PTK7: variants seen among roughly 807,000 people sequenced by gnomAD.
The protein encoded by PTK7 is protein tyrosine kinase 7 (inactive), also known as inactive tyrosine-protein kinase 7.
Under a neutral mutation model 116.6 loss-of-function variants are expected in PTK7, and 39 were observed. That is an observed-to-expected ratio of 0.33 (90% CI 0.26 to 0.44). PTK7 has a LOEUF of 0.44. Ranked by LOEUF, PTK7 falls within the 20% of genes least tolerant of loss-of-function variation. The probability of loss-of-function intolerance (pLI) is 1.00; values close to 1 mark genes in which losing one functional copy is unlikely to be tolerated. For synonymous variants in PTK7, 546 were observed against 563.6 expected (o/e 0.97, Z 0.44); for missense variants, 1,169 against 1,425.6 (o/e 0.82, Z 2.90).
chr6:43,077,703 T>A (rs1010971206), intron 1 of PTK7, among the ~76,000 whole-genome samples: 3 of 152,216 alleles, frequency 2.0e-5, no homozygotes, highest in Non-Finnish European at 4.4e-5. Flanking sequence ...TCCTAGGTGA[T>A]CACCTTCCAT....
chr6:43,118,057 C>T (rs1415225143), intron 1 of PTK7, among the ~76,000 whole-genome samples: 2 of 149,330 alleles, frequency 1.3e-5, no homozygotes, highest in South Asian at 2.1e-4. Context: ...AAGAAGTGGG[C>T]AGTCAGAGGA....
At chr6:43,154,961 A>G (rs1009951419) in intron 17 of PTK7, among the ~76,000 whole-genome samples, 2 of 152,232 alleles carry the variant, frequency 1.3e-5, no homozygotes, top group African/African-American at 4.8e-5. Context: ...AATGAAGCCA[A>G]GGCTGGGCCC....
At chr6:43,094,467 A>T (rs1393396794) in intron 1 of PTK7, among the ~76,000 whole-genome samples, 4 of 140,952 alleles carry the variant, frequency 2.8e-5, no homozygotes, top group African/African-American at 5.2e-5. Flanking sequence ...TCAAAAGCAA[A>T]TTTTTTTTTT....
At chr6:43,159,041 G>A in intron 18 of PTK7, 73 bp downstream of exon 18, 10 of 1,571,090 alleles carry the variant, frequency 6.4e-6, no homozygotes, top group Non-Finnish European at 8.7e-6. Flanking sequence ...CAGATAGTTT[G>A]GGGGGTGTGG....
chr6:43,079,581 C>A (rs1291801797), intron 1 of PTK7, among the ~76,000 whole-genome samples: 2 of 151,976 alleles, frequency 1.3e-5, no homozygotes, highest in Non-Finnish European at 1.5e-5. Context: ...CACACAACTT[C>A]CCTGTATACT....
rs778463968 is a variant in PTK7, at chr6:43,132,025, C to T, written c.822C>T (p.His274=). 3.1e-6 allele frequency: 5 copies of T among 1,614,070 alleles called. No individual in the cohort carries two copies. Among genetic ancestry groups the T allele is most frequent in the Non-Finnish European group, 4.2e-6 (5 of 1,180,018 alleles). ...TPITNRSRPP[H]LRRATVFANG... is the part of the protein sequence containing the mutation. Reference sequence around the variant, plus strand: ...ACTCTCCCCTCTGCAGCCCCCCACACCTCCGCAGAGCCACAGTGTTTGCCA... The same window carrying T: ...ACTCTCCCCTCTGCAGCCCCCCACATCTCCGCAGAGCCACAGTGTTTGCCA... Residue 274 remains histidine (H), a synonymous_variant, in exon 6 of 20, where the codon CAC becomes CAT. Transcript: ENST00000230419.
chr6:43,158,788 TG>T, intron 17 of PTK7, 28 bp from the exon 18 acceptor site: 1 of 1,608,654 alleles, frequency 6.2e-7, no homozygotes. Context: ...ATTCCTGGGC[TG>T]CTCTAACAGG....
At chr6:43,146,355 G>T (rs1770725304) in intron 16 of PTK7, among the ~76,000 whole-genome samples, 1 of 152,116 alleles carries the variant, frequency 6.6e-6, no homozygotes, top group Non-Finnish European at 1.5e-5. Context: ...GGGCTCTGTT[G>T]CCCCACCTGT....
In PTK7 at chr6:43,143,715, G is replaced by T. The variant is rs533025087; in HGVS notation, c.2251+95G>T. On this transcript the variant is annotated intron_variant, in intron 14 of 19. Transcript: ENST00000230419. This position sits in a 1 kb window ranked among gnomAD's most constrained non-coding sequence, Gnocchi z 4.2. ...GGAGAGCGCCAGCACTCTGGAAACC[G>T]AGCGGCTGTTGCTGGGTCCTGGAGC... The T allele has an allele frequency of 2.3e-4, 307 of 1,347,698 alleles. 4 individuals carry two copies. The South Asian group carries it at 4.0e-3, about 18-fold the overall frequency. The allele number at this position is 1,347,698 out of a possible 1,614,324, so 83.5% of individuals were successfully genotyped here.
At chr6:43,159,644 C>T (rs754519180) in intron 18 of PTK7, 144 bp from the exon 19 acceptor site, 7 of 777,286 alleles carry the variant, frequency 9.0e-6, no homozygotes, top group Non-Finnish European at 1.5e-5. Flanking sequence ...CCATGCTCAG[C>T]ACGCATGTGA....
At chr6:43,110,019 CAG>C (rs915665510) in intron 1 of PTK7, among the ~76,000 whole-genome samples, 7 of 108,728 alleles carry the variant, frequency 6.4e-5, no homozygotes, top group Non-Finnish European at 1.2e-4. Flanking sequence ...TTTTTTGAGA[CAG>C]AGTCTCGCTG....
chr6:43,145,299 A>C lies in PTK7; in HGVS notation c.2507A>C (p.Asp836Ala). 6.2e-7 allele frequency: 1 copy of C among 1,614,092 alleles called. No individual in the cohort carries two copies. Among genetic ancestry groups the C allele is most frequent in the Non-Finnish European group, 8.5e-7 (1 of 1,179,982 alleles). Residue 836 changes from aspartate (D) to alanine (A), a missense_variant, in exon 16 of 20, where the codon GAT becomes GCT. Physicochemically the swap from Asp to Ala is moderately radical, Grantham distance 126. This residue lies in a region of PTK7 where 678 missense variants were observed against 853.8 expected (regional missense o/e 0.79). Coordinates refer to ENST00000230419, the MANE Select transcript of PTK7 (RefSeq NM_002821.5). This position sits in a 1 kb window ranked among gnomAD's most constrained non-coding sequence, Gnocchi z 4.8. ...CTTGTGAAGAGCCTGCAGAGCAAGG[A>C]TGAGCAGCAGCAGCTGGACTTCCGG... is the stretch of plus-strand genomic sequence containing the variant. The part of the protein sequence containing the change: ...LVLVKSLQSK[D>A]EQQQLDFRRE...
At chr6:43,079,915 G>A (rs1234398718) in intron 1 of PTK7, among the ~76,000 whole-genome samples, 2 of 150,056 alleles carry the variant, frequency 1.3e-5, no homozygotes, top group East Asian at 4.0e-4. Context: ...AAAAAAAATT[G>A]CCAGGCATGG....
At chr6:43,135,097 T>C (rs1020638058) in intron 7 of PTK7, among the ~76,000 whole-genome samples, 4 of 152,280 alleles carry the variant, frequency 2.6e-5, no homozygotes, top group African/African-American at 9.6e-5. Context: ...ATACTTCATG[T>C]GTGTTCAAGT....
intron 1 of PTK7, among the ~76,000 whole-genome samples, chr6:43,118,657 CTCTATATATATATA>C (rs1378880641): frequency 1.7e-3 from 105 of 61,048 alleles, no homozygotes; most frequent in Middle Eastern, 9.6e-3. Context: ...CTCTCTCTCT[CTCTATATATATATA>C]TATATATATA....
At chr6:43,107,936 A>C (rs1196582389) in intron 1 of PTK7, among the ~76,000 whole-genome samples, 1 of 152,248 alleles carries the variant, frequency 6.6e-6, no homozygotes, top group Non-Finnish European at 1.5e-5. Context: ...TTGTAAGCAC[A>C]TGAAATGTTA....
In PTK7 at chr6:43,159,920, T is replaced by C. The variant is rs753303818; in HGVS notation, c.3006T>C (p.His1002=). The C allele has an allele frequency of 6.2e-7, 1 of 1,614,162 alleles. No homozygotes were observed. ...FGVLMWEVFT[H]GEMPHGGQAD... The stretch of plus-strand genomic sequence containing the variant: ...TGCTGATGTGGGAAGTGTTTACACA[T>C]GGAGAGATGCCCCATGGTGGGCAGG... Residue 1002 remains histidine, a synonymous_variant, in exon 19 of 20, where the codon CAT becomes CAC. Coordinates refer to ENST00000230419, the MANE Select transcript of PTK7 (RefSeq NM_002821.5).
chr6:43,088,092 A>G (rs1210669264), intron 1 of PTK7, among the ~76,000 whole-genome samples: 1 of 151,630 alleles, frequency 6.6e-6, no homozygotes, highest in Non-Finnish European at 1.5e-5. Context: ...GAGCCCAGGA[A>G]TTTGAGACTA....
At position 43,142,069 on chromosome 6, in the gene PTK7, A is replaced by G; in HGVS notation, c.1907A>G (p.Lys636Arg). Residue 636 changes from lysine (K) to arginine (R), a missense_variant, in exon 12 of 20, where the codon AAG becomes AGG. Around this residue, in one of 3 missense-constraint regions of PTK7, gnomAD observed 678 missense variants for 853.8 expected, o/e 0.79. Transcript: ENST00000230419. ...KGKDRILDPT[K>R]LGPRMHIFQN... Reference sequence around the variant, plus strand: ...AAGGACCGCATCCTGGACCCCACCAAGCTGGGACCCAGGTAGGGCCACCTC... The same window carrying G: ...AAGGACCGCATCCTGGACCCCACCAGGCTGGGACCCAGGTAGGGCCACCTC... The G allele has an allele frequency of 6.2e-7, 1 of 1,613,516 alleles. No individual in the cohort carries two copies. Among genetic ancestry groups the G allele is most frequent in the South Asian group, 1.1e-5 (1 of 91,036 alleles).
Sources: allele counts gnomAD v4.1 joint callset (sites outside exome capture counted in the v4.1 genomes callset), GRCh38; gene constraint gnomAD v4.1.1; regional missense constraint gnomAD v4.1.1; non-coding constraint Gnocchi (gnomAD v3.1); transcripts MANE v1.5; gene names NCBI Gene and HGNC (gene_info 2026-07-23, HGNC 2026-07-21).